The following NAA25 variants were observed in gnomAD, a reference collection of about 807,000 sequenced individuals.
NAA25 encodes the protein N-terminal acetyltransferase B complex subunit NAA25.
In NAA25, 30 loss-of-function variants were observed where a neutral mutation model predicts 132.5. That is an observed-to-expected ratio of 0.23 (90% confidence interval 0.17 to 0.31). The LOEUF is 0.31. NAA25 is among the 10% of genes least tolerant of loss of function. The pLI, the probability that NAA25 is intolerant of heterozygous loss-of-function variation, is 1.00. For missense variants in NAA25, 771 were observed against 1,150.4 expected (o/e 0.67, Z 4.77); for synonymous variants, 359 against 401.9 (o/e 0.89, Z 1.28).
intron 15 of NAA25, among the ~76,000 whole-genome samples, chr12:112,050,107 G>C (rs1021152418): frequency 2.7e-5 from 4 of 150,502 alleles, no homozygotes; most frequent in African/African-American, 9.8e-5. Flanking sequence ...GCAACAAAGA[G>C]AGTATAGTCT....
chr12:112,031,487 A>C (rs1408818127), intron 23 of NAA25, among the ~76,000 whole-genome samples: 1 of 152,206 alleles, frequency 6.6e-6, no homozygotes, highest in Non-Finnish European at 1.5e-5. Flanking sequence ...ACAGATAAAG[A>C]GATTGAAGCC....
chr12:112,044,495 C>T (rs1317446668), intron 17 of NAA25, among the ~76,000 whole-genome samples: 2 of 151,002 alleles, frequency 1.3e-5, no homozygotes, highest in Non-Finnish European at 1.5e-5. Flanking sequence ...ACGGTGAAAC[C>T]CCGTCTCTAC....
intron 5 of NAA25, among the ~76,000 whole-genome samples, chr12:112,079,582 A>C (rs1235611370): frequency 1.3e-5 from 2 of 151,998 alleles, no homozygotes; most frequent in Admixed American, 6.6e-5. Context: ...AAAAAAAAAA[A>C]AACTAAGGTT....
At position 112,050,704 on chromosome 12, in the gene NAA25, A is replaced by AT. The variant is rs202160039; in HGVS notation, c.1729-2262dup. ...CAGATAATTTTTGTATAAAATAGAG[A>AT]TTTTAAAGGGAAATTTTTAAGAAGT... On this transcript the variant is annotated intron_variant, in intron 15 of 23. Transcript: ENST00000261745. 9.7e-4 allele frequency among the ~76,000 whole-genome samples: 147 copies of AT among 152,204 alleles called. 3 individuals are homozygous for AT. The East Asian group carries it at 0.027, about 28-fold the overall frequency.
In NAA25 at chr12:112,028,998, G is replaced by C. The variant is rs953041190; in HGVS notation, c.*533C>G. Reference sequence around the variant, plus strand: ...TGCCAGATCTCATCTAAGGTCCTTTGTGTACCTGCCTTGGGTTCTGTGGGA... The same window carrying C: ...TGCCAGATCTCATCTAAGGTCCTTTCTGTACCTGCCTTGGGTTCTGTGGGA... On this transcript the variant is annotated 3_prime_UTR_variant, in exon 24 of 24. Coordinates refer to ENST00000261745, the MANE Select transcript of NAA25 (RefSeq NM_024953.4). 1 of 154,866 alleles carries C rather than the reference G, an allele frequency of 6.5e-6. No homozygotes were observed. The highest frequency in any genetic ancestry group is 1.4e-5 in the Non-Finnish European group (1 of 69,714). 9.6% of individuals were successfully genotyped at this position (154,866 alleles called of 1,614,324 possible).
At position 112,029,253 on chromosome 12, in the gene NAA25, G is replaced by A. The variant is rs190183041; in HGVS notation, c.*278C>T. ...CCCCTGAAAAGATGTTTCTGGTGAT[G>A]GGAAGAAGAAAAGTAGGGTTCTCTT... On this transcript the variant is annotated 3_prime_UTR_variant, in exon 24 of 24. Transcript: ENST00000261745. The A allele has an allele frequency of 5.5e-6, 2 of 363,162 alleles. No homozygotes were observed. Among genetic ancestry groups the A allele is most frequent in the African/African-American group, 2.1e-5 (1 of 48,726 alleles). 22.5% of individuals were successfully genotyped at this position (363,162 alleles called of 1,614,324 possible). A position where few individuals can be genotyped will look rare whatever the true frequency, so the allele number is the denominator to read the frequency against.
intron 22 of NAA25, chr12:112,035,177 A>G (rs1177197213): frequency 1.3e-5 from 2 of 152,324 alleles, no homozygotes; most frequent in Non-Finnish European, 2.9e-5. Context: ...CTCTGATATC[A>G]GAAAAACCAT....
At chr12:112,063,541 G>A (rs927581707) in intron 11 of NAA25, among the ~76,000 whole-genome samples, 4 of 152,242 alleles carry the variant, frequency 2.6e-5, no homozygotes, top group Admixed American at 6.5e-5. Flanking sequence ...AATGCTATCC[G>A]ACAAATATGT....
chr12:112,094,133 G>C (rs939277653), intron 1 of NAA25, among the ~76,000 whole-genome samples: 1 of 151,182 alleles, frequency 6.6e-6, no homozygotes, highest in Non-Finnish European at 1.5e-5. Context: ...CCCAGCTACT[G>C]GGGAGGCTGA....
At chr12:112,072,962 G>A (rs372566029) in intron 9 of NAA25, among the ~76,000 whole-genome samples, 5 of 151,544 alleles carry the variant, frequency 3.3e-5, no homozygotes, top group South Asian at 2.1e-4. Context: ...GGCCAGGCAC[G>A]GTGGCTCACA....
intron 1 of NAA25, among the ~76,000 whole-genome samples, chr12:112,100,614 CTTTTTTTTTT>C (rs71083200): frequency 2.0e-5 from 2 of 100,626 alleles, no homozygotes; most frequent in East Asian, 4.2e-4. Context: ...ATTCCATTGT[CTTTTTTTTTT>C]TTTTTTTTTT....
intron 15 of NAA25, among the ~76,000 whole-genome samples, chr12:112,052,660 A>G (rs991944645): frequency 4.6e-5 from 7 of 152,240 alleles, no homozygotes; most frequent in Admixed American, 4.6e-4. Context: ...AAGATAGATT[A>G]GTCATCCTGT....
At chr12:112,069,260 C>A (rs1256584862) in intron 10 of NAA25, 4 of 302,018 alleles carry the variant, frequency 1.3e-5, no homozygotes, top group South Asian at 1.2e-4. Context: ...TAATCCCACA[C>A]TTTGGAAGAC....
intron 4 of NAA25, among the ~76,000 whole-genome samples, chr12:112,081,511 C>A (rs2078972568): frequency 6.6e-6 from 1 of 152,244 alleles, no homozygotes; most frequent in Non-Finnish European, 1.5e-5. Context: ...TAAACATGCC[C>A]AGAGAATATA....
At chr12:112,066,027 TCA>T (rs2078713196) in intron 11 of NAA25, among the ~76,000 whole-genome samples, 1 of 152,212 alleles carries the variant, frequency 6.6e-6, no homozygotes, top group South Asian at 2.1e-4. Flanking sequence ...ATCCTTATTC[TCA>T]CAGAGCAGTG....
intron 17 of NAA25, among the ~76,000 whole-genome samples, chr12:112,045,724 G>A (rs1237075298): frequency 1.6e-4 from 25 of 152,078 alleles, no homozygotes; most frequent in African/African-American, 6.0e-4. Context: ...GAACCCAGGA[G>A]GTGGGGGTTG....
At chr12:112,052,204 C>T (rs1251714680) in intron 15 of NAA25, among the ~76,000 whole-genome samples, 1 of 152,022 alleles carries the variant, frequency 6.6e-6, no homozygotes, top group Non-Finnish European at 1.5e-5. Context: ...GATACTTGAA[C>T]ACACAATGAA....
Position 112,029,297 on chromosome 12 carries a change from T to A in NAA25, c.*234A>T. 3.8e-6 allele frequency: 2 copies of A among 525,420 alleles called. No homozygotes were observed. The highest frequency in any genetic ancestry group is 6.4e-5 in the Admixed American group (2 of 31,034). 32.5% of individuals were successfully genotyped at this position (525,420 alleles called of 1,614,324 possible). A position where few individuals can be genotyped will look rare whatever the true frequency, so the allele number is the denominator to read the frequency against. On this transcript the variant is annotated 3_prime_UTR_variant, in exon 24 of 24. Transcript: ENST00000261745. Reference sequence around the variant, plus strand: ...TTCTCTTGTTGCTGCCATATGCATATGAACATGTATAAAAAGTGGTCAAAC... The same window carrying A: ...TTCTCTTGTTGCTGCCATATGCATAAGAACATGTATAAAAAGTGGTCAAAC...
intron 1 of NAA25, among the ~76,000 whole-genome samples, chr12:112,100,596 A>C (rs1216121173): frequency 6.9e-6 from 1 of 145,000 alleles, no homozygotes; most frequent in Non-Finnish European, 1.5e-5. Context: ...TTCTTTTCAC[A>C]GGTATTGATT....
Sources: gnomAD v4.1 joint callset for allele counts (sites outside exome capture counted in the v4.1 genomes callset) on GRCh38, gnomAD v4.1.1 for gene constraint, MANE v1.5 for transcripts, NCBI Gene and HGNC (gene_info 2026-07-23, HGNC 2026-07-21) for gene names.